SLC24A2: variants seen among roughly 807,000 people sequenced by gnomAD.
SLC24A2 encodes the protein sodium/potassium/calcium exchanger 2.
Under a neutral mutation model 62.0 loss-of-function variants are expected in SLC24A2, and 36 were observed. The ratio of observed to expected loss-of-function variants is 0.58; its 90% CI spans 0.44 to 0.77. The LOEUF is 0.77. Among genes scored for constraint, SLC24A2 ranks in the 30% least tolerant of loss-of-function variants. The probability of loss-of-function intolerance (pLI) is 0.00; values close to 1 mark genes in which losing one functional copy is unlikely to be tolerated. For missense variants in SLC24A2, 846 were observed against 817.9 expected, an observed-to-expected ratio of 1.03 and a Z score of -0.42; for synonymous variants, 358 against 294.0, an observed-to-expected ratio of 1.22 and a Z score of -2.23.
chr9:20,179,435 T>C, the SLC24A2 span, among the ~76,000 whole-genome samples: 3 of 152,184 alleles, frequency 2.0e-5, no homozygotes, highest in Non-Finnish European at 2.9e-5. Context: ...TCATGACTGA[T>C]GGCGGTGATA....
chr9:19,577,113 G>T, intron 5 of SLC24A2, 91 bp from the exon 6 acceptor site: 1 of 951,338 alleles, frequency 1.1e-6, no homozygotes, highest in Non-Finnish European at 1.7e-6. Context: ...CAGTCACGCT[G>T]CACTAATAGC....
intron 2 of SLC24A2, among the ~76,000 whole-genome samples, chr9:19,758,655 G>C (rs1459515230): frequency 6.6e-6 from 1 of 152,168 alleles, no homozygotes; most frequent in Non-Finnish European, 1.5e-5. Flanking sequence ...GTGTATATTT[G>C]AAAGGTTTTT....
the SLC24A2 span, among the ~76,000 whole-genome samples, chr9:20,221,605 A>C: frequency 3.3e-5 from 5 of 152,000 alleles, no homozygotes; most frequent in African/African-American, 1.2e-4. Flanking sequence ...GTAAGTTCTC[A>C]GATCGGAAGT....
the SLC24A2 span, among the ~76,000 whole-genome samples, chr9:19,964,151 T>C: frequency 0.52 from 74,812 of 144,710 alleles, 19,572 homozygotes; most frequent in Non-Finnish European, 0.58. Context: ...TTCTCATTCA[T>C]AGATGAGAAT....
the SLC24A2 span, among the ~76,000 whole-genome samples, chr9:20,198,134 G>A: frequency 6.6e-6 from 1 of 152,212 alleles, no homozygotes; most frequent in African/African-American, 2.4e-5. Flanking sequence ...GGATTGAGGG[G>A]GTGAGAGAGC....
At chr9:20,169,981 G>T in the SLC24A2 span, among the ~76,000 whole-genome samples, 1 of 151,912 alleles carries the variant, frequency 6.6e-6, no homozygotes, top group East Asian at 2.0e-4. Flanking sequence ...GACAGCATAA[G>T]CAAAAACAAT....
At chr9:20,064,345 T>C in the SLC24A2 span, among the ~76,000 whole-genome samples, 9 of 152,250 alleles carry the variant, frequency 5.9e-5, no homozygotes, top group East Asian at 1.7e-3. Context: ...TGCAAACAGA[T>C]TTGTGAGGAA....
At chr9:20,271,226 G>A in the SLC24A2 span, among the ~76,000 whole-genome samples, 3 of 152,162 alleles carry the variant, frequency 2.0e-5, no homozygotes, top group Admixed American at 6.5e-5. Flanking sequence ...TGTCTGTGCT[G>A]GCTGGATGTG....
chr9:19,863,625 A>T, the SLC24A2 span, among the ~76,000 whole-genome samples: 1 of 134,634 alleles, frequency 7.4e-6, no homozygotes, highest in South Asian at 2.2e-4. Flanking sequence ...TGGGTAAATT[A>T]AAAAATTAAG....
At chr9:19,702,465 C>G (rs7043525) in intron 2 of SLC24A2, among the ~76,000 whole-genome samples, 64,773 of 152,010 alleles carry the variant, frequency 0.43, 15,817 homozygotes, top group African/African-American at 0.69. Context: ...ATTTAACAAC[C>G]CATGGTGACT....
the SLC24A2 span, among the ~76,000 whole-genome samples, chr9:19,884,522 CACTT>C: frequency 1.3e-5 from 2 of 152,294 alleles, no homozygotes; most frequent in Non-Finnish European, 2.9e-5. Flanking sequence ...ATTAGCCAGA[CACTT>C]AGTTGGAAGT....
the SLC24A2 span, among the ~76,000 whole-genome samples, chr9:20,115,800 T>C: frequency 6.6e-6 from 1 of 152,178 alleles, no homozygotes; most frequent in African/African-American, 2.4e-5. Context: ...CCATAGTGTG[T>C]TGAATTTCTC....
At chr9:20,077,600 A>G in the SLC24A2 span, among the ~76,000 whole-genome samples, 1 of 152,114 alleles carries the variant, frequency 6.6e-6, no homozygotes, top group Non-Finnish European at 1.5e-5. Context: ...CTGGGGAGCT[A>G]TTAGATGGGG....
At chr9:20,255,408 A>T in the SLC24A2 span, among the ~76,000 whole-genome samples, 1 of 152,188 alleles carries the variant, frequency 6.6e-6, no homozygotes, top group Non-Finnish European at 1.5e-5. Flanking sequence ...CCCCCAAGTT[A>T]GCGGCTTAAA....
chr9:19,543,631 G>C (rs2132717556), intron 8 of SLC24A2, among the ~76,000 whole-genome samples: 1 of 152,150 alleles, frequency 6.6e-6, no homozygotes, highest in East Asian at 1.9e-4. Flanking sequence ...ACGTTGTGTT[G>C]TTAGTTCTCA....
chr9:20,197,096 GT>G, the SLC24A2 span, among the ~76,000 whole-genome samples: 1 of 152,008 alleles, frequency 6.6e-6, no homozygotes, highest in African/African-American at 2.4e-5. Flanking sequence ...GATTCTTTTT[GT>G]TTTATTGCAG....
intron 2 of SLC24A2, among the ~76,000 whole-genome samples, chr9:19,761,880 G>A (rs199853629): frequency 8.6e-5 from 13 of 151,996 alleles, no homozygotes; most frequent in South Asian, 2.1e-4. Flanking sequence ...CCAGTCTATC[G>A]TTGTTGGACA....
At chr9:19,761,548 T>C (rs1822330125) in intron 2 of SLC24A2, among the ~76,000 whole-genome samples, 1 of 152,142 alleles carries the variant, frequency 6.6e-6, no homozygotes, top group South Asian at 2.1e-4. Flanking sequence ...TTGTTACGTA[T>C]GTATACATGT....
At chr9:19,721,039 T>C (rs981346566) in intron 2 of SLC24A2, among the ~76,000 whole-genome samples, 9 of 152,172 alleles carry the variant, frequency 5.9e-5, no homozygotes, top group Non-Finnish European at 1.3e-4. Context: ...TATCAGTTTC[T>C]GATCCTTCTT....
Sources: gnomAD v4.1 joint callset for allele counts (sites outside exome capture counted in the v4.1 genomes callset) on GRCh38, gnomAD v4.1.1 for gene constraint, MANE v1.5 for transcripts, NCBI Gene and HGNC (gene_info 2026-07-23, HGNC 2026-07-21) for gene names.